The following PHACTR3 variants were observed in gnomAD, a reference collection of about 807,000 sequenced individuals.
PHACTR3 encodes phosphatase and actin regulator 3.
A neutral mutation model predicts 66.8 loss-of-function variants in PHACTR3; 16 were observed. The ratio of observed to expected loss-of-function variants is 0.24; its 90% CI spans 0.16 to 0.36. The LOEUF (loss-of-function observed/expected upper bound fraction) is 0.36, where lower values mean the gene tolerates loss of function less well. Ranked by LOEUF, PHACTR3 falls within the 10% of genes least tolerant of loss-of-function variation. The pLI is 1.00. For synonymous variants in PHACTR3, 323 were observed against 292.1 expected (o/e 1.11, Z -1.08); for missense variants, 647 against 719.9 (o/e 0.90, Z 1.16).
At chr20:59,695,972 A>G (rs1000759450) in intron 1 of PHACTR3, among the ~76,000 whole-genome samples, 15 of 152,180 alleles carry the variant, frequency 9.9e-5, no homozygotes, top group South Asian at 4.2e-4. Flanking sequence ...ACCTCAAGTG[A>G]TCCACCCACC....
chr20:59,596,074 C>T (rs2033319923), intron 1 of PHACTR3, among the ~76,000 whole-genome samples: 1 of 152,204 alleles, frequency 6.6e-6, no homozygotes, highest in Non-Finnish European at 1.5e-5. Context: ...CAAAACCCCT[C>T]CTCCATGGGT....
intron 11 of PHACTR3, chr20:59,843,597 C>T (rs1426078053): frequency 6.6e-6 from 1 of 152,068 alleles, no homozygotes; most frequent in Non-Finnish European, 1.5e-5. Flanking sequence ...GGACACTCTT[C>T]AATAAATGGT....
intron 1 of PHACTR3, among the ~76,000 whole-genome samples, chr20:59,644,170 G>T (rs943961048): frequency 6.6e-6 from 1 of 152,214 alleles, no homozygotes; most frequent in Admixed American, 6.5e-5. Context: ...TTGCGTGCCT[G>T]CAGTGTGCGA....
At chr20:59,674,879 G>A (rs6027032) in intron 1 of PHACTR3, among the ~76,000 whole-genome samples, 241 of 56,264 alleles carry the variant, frequency 4.3e-3, no homozygotes, top group African/African-American at 0.012. Context: ...CCTGTCCCCC[G>A]CTTCTCCTGT....
chr20:59,775,213 C>T (rs1217036634), intron 7 of PHACTR3, among the ~76,000 whole-genome samples: 1 of 152,114 alleles, frequency 6.6e-6, no homozygotes, highest in Non-Finnish European at 1.5e-5. Context: ...AGGGGGTTTC[C>T]CTCCCAGCTG....
At chr20:59,785,284 T>C (rs2040866920) in intron 7 of PHACTR3, among the ~76,000 whole-genome samples, 1 of 152,208 alleles carries the variant, frequency 6.6e-6, no homozygotes, top group African/African-American at 2.4e-5. Flanking sequence ...TGATGAGTAC[T>C]CTGGCCTCTG....
At chr20:59,799,246 C>T (rs952042779) in intron 7 of PHACTR3, among the ~76,000 whole-genome samples, 10 of 152,050 alleles carry the variant, frequency 6.6e-5, no homozygotes, top group African/African-American at 1.4e-4. Context: ...GAAAAGAATG[C>T]GTGCTCTTCT....
chr20:59,755,153 G>A, intron 3 of PHACTR3, 29 bp from the exon 4 acceptor site: 1 of 1,601,322 alleles, frequency 6.2e-7, no homozygotes. Flanking sequence ...GGAGGTGCAG[G>A]CCCAGCTGAC....
chr20:59,800,176 A>C (rs1297192281), intron 7 of PHACTR3, among the ~76,000 whole-genome samples: 2 of 152,194 alleles, frequency 1.3e-5, no homozygotes, highest in Non-Finnish European at 2.9e-5. Context: ...TTAGTATCAA[A>C]GTCAGTTTTC....
rs924997964 is a variant in PHACTR3, at chr20:59,620,119, T to A, written c.118+14987T>A. ...ACTGGTGGCTTTACTAGTGTGACTC[T>A]CAAGCTGGCCCCATAGCCACTCCTT... On this transcript the variant is annotated intron_variant, in intron 1 of 12. Coordinates refer to ENST00000371015, the MANE Select transcript of PHACTR3 (RefSeq NM_080672.5). Among the ~76,000 whole-genome samples, 17 of 152,334 alleles carry A rather than the reference T, an allele frequency of 1.1e-4. No individual in the cohort carries two copies. The East Asian group carries it at 1.5e-3, about 14-fold the overall frequency.
intron 1 of PHACTR3, among the ~76,000 whole-genome samples, chr20:59,723,790 G>A (rs545228139): frequency 1.3e-5 from 2 of 152,074 alleles, no homozygotes; most frequent in South Asian, 4.2e-4. Context: ...TCGGTCTCTG[G>A]GGTGTGGTCA....
chr20:59,586,113 C>A (rs1016476611), intron 1 of PHACTR3, among the ~76,000 whole-genome samples: 3 of 152,212 alleles, frequency 2.0e-5, no homozygotes, highest in Non-Finnish European at 4.4e-5. Context: ...AGCCCTTCTC[C>A]ATCCAAGCCT....
chr20:59,832,801 C>T (rs1400884471), intron 8 of PHACTR3, among the ~76,000 whole-genome samples: 2 of 152,206 alleles, frequency 1.3e-5, no homozygotes, highest in African/African-American at 2.4e-5. Context: ...GTCCTCTCCT[C>T]ACCTAGCGAT....
chr20:59,818,746 C>A (rs1386391448), intron 8 of PHACTR3, among the ~76,000 whole-genome samples: 1 of 152,216 alleles, frequency 6.6e-6, no homozygotes, highest in Non-Finnish European at 1.5e-5. Flanking sequence ...CCAACTTGAT[C>A]TTCTTCAGAT....
At chr20:59,644,046 C>A (rs1387647131) in intron 1 of PHACTR3, among the ~76,000 whole-genome samples, 1 of 152,190 alleles carries the variant, frequency 6.6e-6, no homozygotes, top group East Asian at 1.9e-4. Context: ...GTAACCCCTG[C>A]CTGCATCCGT....
intron 1 of PHACTR3, among the ~76,000 whole-genome samples, chr20:59,634,805 C>T (rs1380942272): frequency 5.9e-5 from 9 of 152,176 alleles, no homozygotes; most frequent in Non-Finnish European, 1.0e-4. Flanking sequence ...CGCCGCTGGC[C>T]GCAGATGGTT....
chr20:59,637,332 G>A (rs1289900885), intron 1 of PHACTR3, among the ~76,000 whole-genome samples: 1 of 152,204 alleles, frequency 6.6e-6, no homozygotes, highest in African/African-American at 2.4e-5. Flanking sequence ...CTGTGGTCTG[G>A]CCTTTCTGCT....
At chr20:59,599,716 C>T (rs1216616963), upstream of PHACTR3, among the ~76,000 whole-genome samples, 1 of 149,782 alleles carries the variant, frequency 6.7e-6, no homozygotes, top group Non-Finnish European at 1.5e-5. Context: ...AAAACAAACC[C>T]TGGAGGTATC....
At chr20:59,730,769 A>G (rs2038734775) in intron 1 of PHACTR3, among the ~76,000 whole-genome samples, 1 of 152,200 alleles carries the variant, frequency 6.6e-6, no homozygotes, top group Non-Finnish European at 1.5e-5. Flanking sequence ...TTTTGCAAAT[A>G]AAGTTTTATT....
Sources: gnomAD v4.1 joint callset for allele counts (sites outside exome capture counted in the v4.1 genomes callset) on GRCh38, gnomAD v4.1.1 for gene constraint, MANE v1.5 for transcripts, NCBI Gene and HGNC (gene_info 2026-07-23, HGNC 2026-07-21) for gene names.